Variants in DPP10 observed in about 807,000 individuals in gnomAD.
DPP10 encodes inactive dipeptidyl peptidase 10.
A neutral mutation model predicts 120.9 loss-of-function variants in DPP10; 33 were observed. The ratio of observed to expected loss-of-function variants is 0.27; its 90% CI spans 0.21 to 0.37. DPP10 has a LOEUF of 0.37. Ranked by LOEUF, DPP10 falls within the 10% of genes least tolerant of loss-of-function variation. The pLI is 1.00. For synonymous variants in DPP10, 337 were observed against 326.1 expected, an observed-to-expected ratio of 1.03 and a Z score of -0.36; for missense variants, 816 against 942.8, an observed-to-expected ratio of 0.87 and a Z score of 1.76.
chr2:115,183,294 C>A (rs1471963388), intron 1 of DPP10, among the ~76,000 whole-genome samples: 1 of 152,022 alleles, frequency 6.6e-6, no homozygotes, highest in East Asian at 1.9e-4. Flanking sequence ...AAAAAAATGT[C>A]ATTCTTCCAA....
chr2:115,584,813 A>C (rs2082193280), intron 5 of DPP10, among the ~76,000 whole-genome samples: 2 of 152,184 alleles, frequency 1.3e-5, no homozygotes, highest in African/African-American at 4.8e-5. Flanking sequence ...CATAAACAAA[A>C]GTGATGGGTG....
intron 17 of DPP10, 121 bp downstream of exon 17, chr2:115,782,520 A>C: frequency 1.1e-6 from 1 of 887,024 alleles, no homozygotes; most frequent in Non-Finnish European, 1.8e-6. Flanking sequence ...ACCATGAGGA[A>C]AGCTGCGTGT....
chr2:115,348,314 A>G (rs879455139), intron 3 of DPP10, among the ~76,000 whole-genome samples: 2 of 152,166 alleles, frequency 1.3e-5, no homozygotes, highest in Non-Finnish European at 2.9e-5. Context: ...ACACATGTTT[A>G]TTGACTTGAT....
At chr2:114,981,913 A>T (rs1320069031) in intron 1 of DPP10, among the ~76,000 whole-genome samples, 1 of 150,664 alleles carries the variant, frequency 6.6e-6, no homozygotes, top group Non-Finnish European at 1.5e-5. Flanking sequence ...TTTATTTTTG[A>T]GACAGGGTCT....
chr2:115,599,631 C>T (rs2083201005), intron 5 of DPP10, among the ~76,000 whole-genome samples: 1 of 152,124 alleles, frequency 6.6e-6, no homozygotes, highest in Non-Finnish European at 1.5e-5. Flanking sequence ...CTGCACCATC[C>T]TGATTGGCAT....
At chr2:115,693,637 G>T (rs1209900824) in intron 7 of DPP10, among the ~76,000 whole-genome samples, 2 of 152,026 alleles carry the variant, frequency 1.3e-5, no homozygotes, top group Non-Finnish European at 2.9e-5. Context: ...ATTAATGTAT[G>T]CATTTTCTTT....
intron 5 of DPP10, among the ~76,000 whole-genome samples, chr2:115,612,156 T>C (rs749906249): frequency 6.6e-6 from 1 of 152,202 alleles, no homozygotes; most frequent in Non-Finnish European, 1.5e-5. Context: ...TCCATATTTT[T>C]ATATGCTCAT....
chr2:114,616,508 G>A (rs1693686271), intron 1 of DPP10, among the ~76,000 whole-genome samples: 1 of 152,092 alleles, frequency 6.6e-6, no homozygotes, highest in Non-Finnish European at 1.5e-5. Flanking sequence ...CTGGATTCCA[G>A]TCTAACCCAG....
At chr2:114,781,467 G>A (rs1398220338) in intron 1 of DPP10, among the ~76,000 whole-genome samples, 1 of 151,844 alleles carries the variant, frequency 6.6e-6, no homozygotes, top group Admixed American at 6.6e-5. Flanking sequence ...TTTGCAGAGG[G>A]GCACAGATAG....
At position 114,606,760 on chromosome 2, in the gene DPP10, G is replaced by A. The variant is rs576726743; in HGVS notation, c.60+163922G>A. ...CATTTCATACCTTATAAATTTTGTC[G>A]CATTTCAGCAAGAGTTCTTGATATG... is the stretch of plus-strand genomic sequence containing the variant. On this transcript the variant is annotated intron_variant, in intron 1 of 25. Coordinates refer to ENST00000410059, the MANE Select transcript of DPP10 (RefSeq NM_020868.6). 1.5e-3 allele frequency among the ~76,000 whole-genome samples: 233 copies of A among 152,184 alleles called. 1 individual carries two copies. The highest frequency in any genetic ancestry group is 3.4e-3 in the Middle Eastern group (1 of 294).
intron 1 of DPP10, among the ~76,000 whole-genome samples, chr2:114,718,105 C>G (rs1218756398): frequency 6.6e-6 from 1 of 151,676 alleles, no homozygotes. Context: ...AACAGGGACT[C>G]CATAGTTCAA....
At chr2:115,668,665 G>A (rs1035881216) in intron 5 of DPP10, among the ~76,000 whole-genome samples, 5 of 152,100 alleles carry the variant, frequency 3.3e-5, no homozygotes, top group Non-Finnish European at 7.4e-5. Flanking sequence ...GGGCTGGTCT[G>A]TCAGGTAGTT....
chr2:115,640,478 A>AT (rs2086692518), intron 5 of DPP10, among the ~76,000 whole-genome samples: 1 of 151,944 alleles, frequency 6.6e-6, no homozygotes, highest in African/African-American at 2.4e-5. Context: ...GAAAAAAAAA[A>AT]ACGACATCTT....
intron 5 of DPP10, among the ~76,000 whole-genome samples, chr2:115,574,552 C>G (rs1242200402): frequency 5.3e-5 from 8 of 152,186 alleles, no homozygotes; most frequent in Non-Finnish European, 4.4e-5. Flanking sequence ...TGCAACAAGG[C>G]TTTCTTAAAC....
chr2:114,573,469 C>A (rs968510331), intron 1 of DPP10, among the ~76,000 whole-genome samples: 2 of 152,070 alleles, frequency 1.3e-5, no homozygotes, highest in Non-Finnish European at 2.9e-5. Context: ...AACACCTGGG[C>A]AGGGTTCTTT....
At chr2:114,675,807 A>AT (rs71955365) in intron 1 of DPP10, among the ~76,000 whole-genome samples, 452 of 148,172 alleles carry the variant, frequency 3.1e-3, no homozygotes, top group African/African-American at 7.7e-3. Context: ...ATCTTTAATA[A>AT]TTTTTTTTTT....
intron 1 of DPP10, among the ~76,000 whole-genome samples, chr2:114,647,699 T>C (rs1459257265): frequency 1.3e-5 from 2 of 151,252 alleles, no homozygotes; most frequent in African/African-American, 2.4e-5. Context: ...ATTCTGGTTG[T>C]TGGTTGTGGG....
chr2:115,727,063 T>A (rs1315579713), intron 7 of DPP10, among the ~76,000 whole-genome samples: 1 of 152,144 alleles, frequency 6.6e-6, no homozygotes, highest in Non-Finnish European at 1.5e-5. Context: ...GAATTATAAA[T>A]AATTTTATCC....
chr2:115,499,586 A>T lies in DPP10; in HGVS notation c.348A>T (p.Leu116Phe), dbSNP rs754869602. 4 of 1,611,024 alleles carry T rather than the reference A, an allele frequency of 2.5e-6. No homozygotes were observed. The highest frequency in any genetic ancestry group is 3.4e-6 in the Non-Finnish European group (4 of 1,178,180). Residue 116 changes from leucine (L) to phenylalanine (F), a missense_variant, in exon 4 of 26, where the codon TTA (leucine) becomes TTT (phenylalanine). Physicochemically the swap from Leu to Phe is conservative, Grantham distance 22. This residue lies in a region of DPP10 where 182 missense variants were observed against 207.4 expected (regional missense o/e 0.88). Coordinates refer to ENST00000410059, the MANE Select transcript of DPP10 (RefSeq NM_020868.6). ...TAGAAACAAATGCTACCACATTATTATTGGAAAACACAACTTTTGTAAGTA... is the reference window on the plus strand; with the variant it reads ...TAGAAACAAATGCTACCACATTATTTTTGGAAAACACAACTTTTGTAAGTA... ...LNIETNATTL[L>F]LENTTFVTFK...
Sources: gnomAD v4.1 joint callset for allele counts (sites outside exome capture counted in the v4.1 genomes callset) on GRCh38, gnomAD v4.1.1 for gene constraint, gnomAD v4.1.1 regional missense constraint, MANE v1.5 for transcripts, NCBI Gene and HGNC (gene_info 2026-07-23, HGNC 2026-07-21) for gene names.